Variants in CCSER1 observed in about 807,000 individuals in gnomAD.
CCSER1 encodes coiled-coil serine rich protein 1, also known as serine-rich coiled-coil domain-containing protein 1.
Under a neutral mutation model 82.0 loss-of-function variants are expected in CCSER1, and 41 were observed. The observed-to-expected ratio is 0.50, with a 90% CI of 0.39 to 0.65. The LOEUF (loss-of-function observed/expected upper bound fraction) is 0.65. Among genes scored for constraint, CCSER1 ranks in the 30% least tolerant of loss-of-function variants. The pLI, the probability that CCSER1 is intolerant of heterozygous loss-of-function variation, is 0.00. For synonymous variants in CCSER1, 414 were observed against 383.9 expected (o/e 1.08, Z -0.92); for missense variants, 1,119 against 1,064.2 (o/e 1.05, Z -0.72).
At chr4:91,109,377 CT>C (rs1213773023) in intron 10 of CCSER1, among the ~76,000 whole-genome samples, 1 of 151,982 alleles carries the variant, frequency 6.6e-6, no homozygotes, top group Non-Finnish European at 1.5e-5. Context: ...AACCTGTCTC[CT>C]AAATGTTCTA....
chr4:91,035,267 C>T (rs1380450859), intron 9 of CCSER1, among the ~76,000 whole-genome samples: 2 of 151,868 alleles, frequency 1.3e-5, no homozygotes, highest in Admixed American at 6.6e-5. Flanking sequence ...CTAGGATCCC[C>T]CAAAATATTA....
chr4:90,505,503 C>A (rs1770561035), intron 5 of CCSER1, among the ~76,000 whole-genome samples: 1 of 152,190 alleles, frequency 6.6e-6, no homozygotes, highest in Non-Finnish European at 1.5e-5. Context: ...ATTGTCACTT[C>A]ATCAGTCATC....
chr4:90,355,381 A>G (rs1744204154), intron 3 of CCSER1, among the ~76,000 whole-genome samples: 1 of 151,992 alleles, frequency 6.6e-6, no homozygotes, highest in Non-Finnish European at 1.5e-5. Flanking sequence ...GCTGGCATAG[A>G]TTTTTAACTT....
chr4:91,168,791 C>T (rs1186278644), intron 10 of CCSER1, among the ~76,000 whole-genome samples: 2 of 151,700 alleles, frequency 1.3e-5, no homozygotes, highest in African/African-American at 4.8e-5. Context: ...AAAGAGAGAT[C>T]AGATTGTTAC....
intron 3 of CCSER1, among the ~76,000 whole-genome samples, chr4:90,377,566 T>C (rs1748539840): frequency 6.6e-6 from 1 of 152,126 alleles, no homozygotes; most frequent in Non-Finnish European, 1.5e-5. Context: ...CAGTAGCACA[T>C]CAAAATCTAT....
At chr4:90,325,015 A>G (rs972031980) in intron 3 of CCSER1, among the ~76,000 whole-genome samples, 3 of 152,062 alleles carry the variant, frequency 2.0e-5, no homozygotes, top group Admixed American at 6.6e-5. Context: ...GCTCTGTTCT[A>G]TTCCATTGAT....
At chr4:90,767,033 G>A (rs1393182726) in intron 7 of CCSER1, among the ~76,000 whole-genome samples, 1 of 152,156 alleles carries the variant, frequency 6.6e-6, no homozygotes, top group Non-Finnish European at 1.5e-5. Context: ...TCTGATGAAA[G>A]AACAGTGCCC....
intron 7 of CCSER1, among the ~76,000 whole-genome samples, chr4:90,811,969 CATAT>C (rs34117865): frequency 0.22 from 28,736 of 131,742 alleles, 3,468 homozygotes; most frequent in South Asian, 0.31. Flanking sequence ...TATATATACA[CATAT>C]ATATATATAT....
At position 91,129,508 on chromosome 4, in the gene CCSER1, G is replaced by A. The variant is rs1727818228; in HGVS notation, c.2217+43514G>A. On this transcript the variant is annotated intron_variant, in intron 10 of 10. Transcript: ENST00000509176. ...GGCATAAGTTAGATGGCATAAGATA[G>A]AGACTGGGAGCAAAGAAATAAGAAA... is the stretch of plus-strand genomic sequence containing the variant. Among the ~76,000 whole-genome samples the A allele has an allele frequency of 2.0e-5, 3 of 152,114 alleles. No homozygotes were observed. The South Asian group carries it at 6.2e-4, about 32-fold the overall frequency.
intron 10 of CCSER1, among the ~76,000 whole-genome samples, chr4:91,457,546 T>C (rs1384448277): frequency 6.6e-6 from 1 of 152,120 alleles, no homozygotes; most frequent in East Asian, 1.9e-4. Context: ...GGCGCATGCC[T>C]TTAGTCTCAG....
At chr4:90,665,237 G>C (rs1731508533) in intron 6 of CCSER1, among the ~76,000 whole-genome samples, 1 of 152,024 alleles carries the variant, frequency 6.6e-6, no homozygotes, top group South Asian at 2.1e-4. Context: ...AGTGTTGTAT[G>C]TCATGTATTT....
At chr4:90,272,612 G>A (rs768046992) in intron 1 of CCSER1, among the ~76,000 whole-genome samples, 1 of 152,152 alleles carries the variant, frequency 6.6e-6, no homozygotes, top group Non-Finnish European at 1.5e-5. Context: ...ACACTCCTAT[G>A]TTTATTGCAG....
chr4:90,724,662 A>G (rs944748365), intron 7 of CCSER1: 1 of 387,354 alleles, frequency 2.6e-6, no homozygotes, highest in Non-Finnish European at 5.1e-6. Flanking sequence ...ATTATTATAA[A>G]TAAAAACAAT....
intron 1 of CCSER1, among the ~76,000 whole-genome samples, chr4:90,301,827 A>G (rs193101716): frequency 5.3e-5 from 8 of 152,234 alleles, no homozygotes; most frequent in Admixed American, 4.6e-4. Flanking sequence ...TAACTGTTAT[A>G]AAAACATTGT....
At position 90,309,418 on chromosome 4, in the gene CCSER1, G is replaced by C. The variant is rs1373965751; in HGVS notation, c.1134G>C (p.Gly378=). The C allele has an allele frequency of 6.2e-7, 1 of 1,613,766 alleles. No homozygotes were observed. The highest frequency in any genetic ancestry group is 2.2e-5 in the East Asian group (1 of 44,862). The change falls in exon 2 of 11, where the codon GGG becomes GGC. Residue 378 remains glycine (G), a synonymous_variant. Transcript: ENST00000509176. ...ATAGTGAAAGAGAAGAAAATATAGGGTTACAAAATGGTGAAACAATGCTGG... is the reference window on the plus strand; with the variant it reads ...ATAGTGAAAGAGAAGAAAATATAGGCTTACAAAATGGTGAAACAATGCTGG... The part of the protein sequence containing the change: ...PADSEREENI[G]LQNGETMLGT...
chr4:90,175,697 A>T (rs1732532813), intron 1 of CCSER1, among the ~76,000 whole-genome samples: 2 of 152,056 alleles, frequency 1.3e-5, no homozygotes, highest in African/African-American at 2.4e-5. Flanking sequence ...CTCAACCTGT[A>T]TATGTAAAAT....
At chr4:90,875,651 A>T (rs1767104022) in intron 8 of CCSER1, among the ~76,000 whole-genome samples, 1 of 152,166 alleles carries the variant, frequency 6.6e-6, no homozygotes, top group South Asian at 2.1e-4. Context: ...TCCCTAAGGT[A>T]TTATATAGTT....
chr4:91,560,746 G>A (rs1439393751), intron 10 of CCSER1, among the ~76,000 whole-genome samples: 2 of 151,286 alleles, frequency 1.3e-5, no homozygotes, highest in Admixed American at 1.3e-4. Context: ...TACTTTTCCT[G>A]TGAATTTGAC....
chr4:91,221,045 A>G (rs1300350954), intron 10 of CCSER1, among the ~76,000 whole-genome samples: 2 of 152,156 alleles, frequency 1.3e-5, no homozygotes, highest in Admixed American at 6.5e-5. Context: ...AGCTACCTTT[A>G]TGATAATTTA....
Sources: gnomAD v4.1 joint callset for allele counts (sites outside exome capture counted in the v4.1 genomes callset) on GRCh38, gnomAD v4.1.1 for gene constraint, MANE v1.5 for transcripts, NCBI Gene and HGNC (gene_info 2026-07-23, HGNC 2026-07-21) for gene names.